UAP1: variants seen among roughly 807,000 people sequenced by gnomAD.
UAP1 encodes UDP-N-acetylglucosamine pyrophosphorylase 1.
Under a neutral mutation model 58.5 loss-of-function variants are expected in UAP1, and 25 were observed. The observed-to-expected ratio is 0.43, with a 90% CI of 0.31 to 0.60. The LOEUF is 0.60. Ranked by LOEUF, UAP1 falls within the 20% of genes least tolerant of loss-of-function variation. UAP1 has a pLI of 0.11. For synonymous variants in UAP1, 208 were observed against 213.0 expected (o/e 0.98, Z 0.21); for missense variants, 575 against 630.0 (o/e 0.91, Z 0.93).
At chr1:162,562,998 A>C (rs1186835883) in intron 1 of UAP1, among the ~76,000 whole-genome samples, 8 of 152,232 alleles carry the variant, frequency 5.3e-5, no homozygotes, top group Admixed American at 2.0e-4. Context: ...CAAATTTTTC[A>C]TATATTTTGA....
At chr1:162,589,096 T>C (rs542098180) in intron 7 of UAP1, among the ~76,000 whole-genome samples, 308 of 123,124 alleles carry the variant, frequency 2.5e-3, no homozygotes, top group African/African-American at 9.4e-3. Context: ...ATATGTATAT[T>C]AAATATATAT....
At chr1:162,562,962 T>C (rs139720977) in intron 1 of UAP1, among the ~76,000 whole-genome samples, 64 of 152,338 alleles carry the variant, frequency 4.2e-4, no homozygotes, top group African/African-American at 1.5e-3. Flanking sequence ...CTAATAAAAA[T>C]ATATTTGATA....
chr1:162,569,115 A>G (rs1009570628), intron 2 of UAP1, among the ~76,000 whole-genome samples: 1 of 152,200 alleles, frequency 6.6e-6, no homozygotes, highest in Non-Finnish European at 1.5e-5. Context: ...GCCAGAAACT[A>G]CCGTGTGTCT....
chr1:162,578,935 T>C (rs979924950), intron 3 of UAP1, among the ~76,000 whole-genome samples: 2 of 152,166 alleles, frequency 1.3e-5, no homozygotes, highest in Admixed American at 6.5e-5. Context: ...TTTGCCACAC[T>C]AGCATGGGTT....
chr1:162,589,777 G>C (rs1053988098), intron 7 of UAP1, among the ~76,000 whole-genome samples: 1 of 152,066 alleles, frequency 6.6e-6, no homozygotes, highest in Non-Finnish European at 1.5e-5. Context: ...TTGGATACCA[G>C]CCTGGCCAAC....
chr1:162,566,488 T>C (rs1653516371), intron 2 of UAP1, 140 bp downstream of exon 2: 3 of 898,570 alleles, frequency 3.3e-6, no homozygotes, highest in African/African-American at 1.7e-5. Flanking sequence ...AAAATTGTCT[T>C]TTTATTTTTG....
rs533764816 is a variant in UAP1 at position 162,569,748 on chromosome 1, C to G, written c.280+3400C>G. ...AATGGTGCTTCTCTACCATATAGCACTATAGTAAAGTAAGTGGATTATTTA... is the reference window on the plus strand; with the variant it reads ...AATGGTGCTTCTCTACCATATAGCAGTATAGTAAAGTAAGTGGATTATTTA... On this transcript the variant is annotated intron_variant, in intron 2 of 10. Transcript: ENST00000271469. Among the ~76,000 whole-genome samples, 15 of 152,280 alleles carry G rather than the reference C, an allele frequency of 9.9e-5. No individual in the cohort carries two copies. In the South Asian group the frequency reaches 1.0e-3, roughly 11 times the overall value.
exon 4 of UAP1, chr1:162,579,589 T>G: frequency 6.3e-7 from 1 of 1,591,072 alleles, no homozygotes; most frequent in East Asian, 2.2e-5. Flanking sequence ...AAGAACAAAG[T>G]TTCTATGGCT....
At chr1:162,595,410 T>C (rs899627429) in intron 9 of UAP1, among the ~76,000 whole-genome samples, 3 of 151,962 alleles carry the variant, frequency 2.0e-5, no homozygotes, top group African/African-American at 7.3e-5. Context: ...ATTTTTTCCT[T>C]TTTTTTTCCT....
chr1:162,583,143 ACT>A (rs911660706), intron 5 of UAP1, among the ~76,000 whole-genome samples: 7 of 92,730 alleles, frequency 7.5e-5, no homozygotes, highest in Non-Finnish European at 1.3e-4. Flanking sequence ...ACTTGGTGTC[ACT>A]CTTTTTTTTT....
intron 1 of UAP1, among the ~76,000 whole-genome samples, chr1:162,563,123 C>A (rs181344404): frequency 6.7e-4 from 102 of 152,280 alleles, no homozygotes; most frequent in African/African-American, 2.4e-3. Context: ...TTTAACTCTT[C>A]TGTTAATTGC....
intron 7 of UAP1, among the ~76,000 whole-genome samples, chr1:162,589,267 ATTTAT>A (rs982672431): frequency 3.1e-5 from 4 of 129,462 alleles, no homozygotes; most frequent in Non-Finnish European, 6.3e-5. Context: ...ATATATATTT[ATTTAT>A]AATATATATA....
chr1:162,563,998 A>G (rs984810194), intron 1 of UAP1, among the ~76,000 whole-genome samples: 1 of 152,160 alleles, frequency 6.6e-6, no homozygotes, highest in African/African-American at 2.4e-5. Flanking sequence ...ACTCCCTTAA[A>G]TCAGAGGCAA....
At chr1:162,588,863 A>G in intron 7 of UAP1, 30 bp downstream of exon 7, 1 of 1,575,034 alleles carries the variant, frequency 6.3e-7, no homozygotes, top group African/African-American at 1.4e-5. Context: ...AATAAGGTTA[A>G]ATAAATGTCT....
intron 2 of UAP1, among the ~76,000 whole-genome samples, chr1:162,572,691 A>G (rs9919313): frequency 0.018 from 2,777 of 152,320 alleles, 73 homozygotes; most frequent in African/African-American, 0.062. Context: ...ATTTTTTATT[A>G]TAACACCTTT....
chr1:162,579,680 C>T, intron 4 of UAP1, 77 bp downstream of exon 4: 2 of 1,259,822 alleles, frequency 1.6e-6, no homozygotes, highest in Non-Finnish European at 2.1e-6. Context: ...TTCTTTTTAA[C>T]ATGGTGATTT....
intron 8 of UAP1, among the ~76,000 whole-genome samples, chr1:162,591,886 A>G (rs1655335687): frequency 6.6e-6 from 1 of 151,318 alleles, no homozygotes; most frequent in Non-Finnish European, 1.5e-5. Context: ...CTGGGCTTAA[A>G]CAATACACCC....
At position 162,590,522 on chromosome 1, in the gene UAP1, A is replaced by T; in HGVS notation, c.1358+11A>T. 1 of 1,590,562 alleles carries T rather than the reference A, an allele frequency of 6.3e-7. No homozygotes were observed. The highest frequency in any genetic ancestry group is 1.2e-5 in the South Asian group (1 of 86,698). On this transcript the variant is annotated intron_variant, in intron 8 of 10. Transcript: ENST00000271469. ...TCCAGCAATTCCCCGGTAAGTCAGT[A>T]TCTTTTCTCTTTTGTATGAATCCTT...
intron 2 of UAP1, among the ~76,000 whole-genome samples, chr1:162,570,675 GTGCTTACTATTTTGGGGAAATAT>G (rs1653807130): frequency 6.6e-6 from 1 of 152,092 alleles, no homozygotes; most frequent in Non-Finnish European, 1.5e-5. Context: ...TCTGCTTTTT[GTGCTTACTATTTTGGGGAAATAT>G]TGTAGTTTCT....
Sources: allele counts gnomAD v4.1 joint callset (sites outside exome capture counted in the v4.1 genomes callset), GRCh38; gene constraint gnomAD v4.1.1; transcripts MANE v1.5; gene names NCBI Gene and HGNC (gene_info 2026-07-23, HGNC 2026-07-21).